Variants in SV2B observed in about 807,000 individuals in gnomAD.
SV2B encodes solute carrier family 22 member B2.
In SV2B, 41 loss-of-function variants were observed where a neutral mutation model predicts 73.9. The ratio of observed to expected loss-of-function variants is 0.56; its 90% CI spans 0.43 to 0.72. The LOEUF (loss-of-function observed/expected upper bound fraction) is 0.72, where lower values mean the gene tolerates loss of function less well. Ranked by LOEUF, SV2B falls within the 30% of genes least tolerant of loss-of-function variation. SV2B has a pLI of 0.00. For missense variants in SV2B, 764 were observed against 857.8 expected (o/e 0.89, Z 1.37); for synonymous variants, 314 against 314.2 (o/e 1.00, Z 0.01).
chr15:91,235,847 G>C (rs962385203), intron 2 of SV2B, among the ~76,000 whole-genome samples: 1 of 152,126 alleles, frequency 6.6e-6, no homozygotes, highest in Non-Finnish European at 1.5e-5. Context: ...GTAGATTTTA[G>C]TTTTACTGGG....
intron 9 of SV2B, among the ~76,000 whole-genome samples, chr15:91,269,693 C>T (rs1182696076): frequency 6.6e-6 from 1 of 152,196 alleles, no homozygotes; most frequent in Non-Finnish European, 1.5e-5. Context: ...ATTGTTCTTA[C>T]AGGCTAGACT....
rs2049326559 is a variant in SV2B at position 91,298,429 on chromosome 15, G to A, written c.*5877G>A. On this transcript the variant is annotated 3_prime_UTR_variant, in exon 13 of 13. Coordinates refer to ENST00000394232, the MANE Select transcript of SV2B (RefSeq NM_001323032.3). The surrounding 1 kb of genome is among the most constrained non-coding windows in gnomAD (Gnocchi z 5.4). ...GTTTGATTTGCAGAGGCATGGTGAG[G>A]AATTTATATGCATGGCTGTTGTGGC... is the stretch of plus-strand genomic sequence containing the variant. 6.6e-6 allele frequency: 1 copy of A among 152,236 alleles called. No individual in the cohort carries two copies. Among genetic ancestry groups the A allele is most frequent in the South Asian group, 2.1e-4 (1 of 4,830 alleles). The allele number at this position is 152,236 out of a possible 1,614,324, so 9.4% of individuals were successfully genotyped here.
At chr15:91,238,178 C>CT (rs918778002) in intron 2 of SV2B, among the ~76,000 whole-genome samples, 1 of 152,150 alleles carries the variant, frequency 6.6e-6, no homozygotes, top group African/African-American at 2.4e-5. Context: ...TAACCTGTTC[C>CT]TTTTTTTCTA....
chr15:91,204,186 G>A (rs543262604), intron 1 of SV2B, among the ~76,000 whole-genome samples: 5 of 152,208 alleles, frequency 3.3e-5, no homozygotes, highest in South Asian at 4.1e-4. Flanking sequence ...ATGTCCACCC[G>A]GTTCGCTTTT....
rs1057439786 is a variant in SV2B at position 91,105,924 on chromosome 15, C to A, written c.-392+5561C>A. Among the ~76,000 whole-genome samples the A allele has an allele frequency of 2.6e-5, 4 of 152,190 alleles. No homozygotes were observed. Among genetic ancestry groups the A allele is most frequent in the Non-Finnish European group, 5.9e-5 (4 of 68,030 alleles). Reference sequence around the variant, plus strand: ...ATTAGCCAGGTGTGGTGGCACATGCCTGTAGCCCTAGCTACTCGGGAGTCT... The same window carrying A: ...ATTAGCCAGGTGTGGTGGCACATGCATGTAGCCCTAGCTACTCGGGAGTCT... On this transcript the variant is annotated intron_variant, in intron 1 of 12. Coordinates refer to ENST00000394232, the MANE Select transcript of SV2B (RefSeq NM_001323032.3). This position sits in a 1 kb window ranked among gnomAD's most constrained non-coding sequence, Gnocchi z 5.5.
chr15:91,277,679 A>G (rs943993954), intron 9 of SV2B, among the ~76,000 whole-genome samples: 3 of 152,164 alleles, frequency 2.0e-5, no homozygotes, highest in African/African-American at 7.2e-5. Flanking sequence ...TGAATGTATT[A>G]CTGTATTTTG....
rs2046176227 is a variant in SV2B, at chr15:91,220,449, A to G, written c.-391-5424A>G. Among the ~76,000 whole-genome samples, 2 of 152,224 alleles carry G rather than the reference A, an allele frequency of 1.3e-5. No homozygotes were observed. The highest frequency in any genetic ancestry group is 4.1e-4 in the South Asian group (2 of 4,834). On this transcript the variant is annotated intron_variant, in intron 1 of 12. Transcript: ENST00000394232. This position sits in a 1 kb window ranked among gnomAD's most constrained non-coding sequence, Gnocchi z 4.1. Reference sequence around the variant, plus strand: ...TTTCCCAAACTTACTTGCTCTTGGAATTCTATTTTTCACTGAAAGGAGAAT... The same window carrying G: ...TTTCCCAAACTTACTTGCTCTTGGAGTTCTATTTTTCACTGAAAGGAGAAT...
At chr15:91,266,750 A>G in intron 7 of SV2B, 58 bp downstream of exon 7, 1 of 1,386,776 alleles carries the variant, frequency 7.2e-7, no homozygotes, top group South Asian at 1.3e-5. Flanking sequence ...CTCTTACCTT[A>G]GTGGATGAAA....
intron 11 of SV2B, among the ~76,000 whole-genome samples, chr15:91,285,101 C>A (rs2048816208): frequency 6.6e-6 from 1 of 152,126 alleles, no homozygotes; most frequent in African/African-American, 2.4e-5. Context: ...AAAGGAAACA[C>A]AATAAATCAT....
intron 1 of SV2B, among the ~76,000 whole-genome samples, chr15:91,171,652 T>C (rs1465664398): frequency 6.6e-6 from 1 of 152,216 alleles, no homozygotes; most frequent in Non-Finnish European, 1.5e-5. Flanking sequence ...AAAATGCTCA[T>C]CATCTCTCCT....
chr15:91,222,261 T>G (rs1895186292), intron 1 of SV2B, among the ~76,000 whole-genome samples: 1 of 152,188 alleles, frequency 6.6e-6, no homozygotes. Flanking sequence ...TTCTGTAAAA[T>G]GGGCGCAATA....
chr15:91,252,029 A>T lies in SV2B; in HGVS notation c.632+30A>T, dbSNP rs756494343. On this transcript the variant is annotated intron_variant, in intron 3 of 12. Coordinates refer to ENST00000394232, the MANE Select transcript of SV2B (RefSeq NM_001323032.3). The surrounding 1 kb of genome is among the most constrained non-coding windows in gnomAD (Gnocchi z 4.6). Reference sequence around the variant, plus strand: ...GTTCTTAGGGAGGTGGAGCTGGACCATCCCAGACCAATGGCCCATCCATTC... The same window carrying T: ...GTTCTTAGGGAGGTGGAGCTGGACCTTCCCAGACCAATGGCCCATCCATTC... 7.5e-6 allele frequency: 12 copies of T among 1,608,362 alleles called. No homozygotes were observed. Among genetic ancestry groups the T allele is most frequent in the Non-Finnish European group, 1.0e-5 (12 of 1,176,454 alleles).
At chr15:91,291,189 T>G (rs889665820) in intron 12 of SV2B, among the ~76,000 whole-genome samples, 1 of 150,720 alleles carries the variant, frequency 6.6e-6, no homozygotes, top group East Asian at 1.9e-4. Context: ...TTTTATTTAG[T>G]TTTTTTTCTA....
intron 1 of SV2B, among the ~76,000 whole-genome samples, chr15:91,171,599 C>A (rs561717409): frequency 2.6e-5 from 4 of 152,258 alleles, no homozygotes; most frequent in African/African-American, 9.6e-5. Flanking sequence ...TGGAATGGGT[C>A]TCAGAGACCG....
In SV2B at chr15:91,280,561, A is replaced by C. The variant is rs112972327; in HGVS notation, c.1374-1167A>C. Among the ~76,000 whole-genome samples, 4 of 152,234 alleles carry C rather than the reference A, an allele frequency of 2.6e-5. No individual in the cohort carries two copies. The highest frequency in any genetic ancestry group is 9.6e-5 in the African/African-American group (4 of 41,458). Reference sequence around the variant, plus strand: ...GACATATTTAAAGGCTTCCAGCCTAAAAGTTTGACCAAGCTTGTTAAATAT... The same window carrying C: ...GACATATTTAAAGGCTTCCAGCCTACAAGTTTGACCAAGCTTGTTAAATAT... On this transcript the variant is annotated intron_variant, in intron 9 of 12. Coordinates refer to ENST00000394232, the MANE Select transcript of SV2B (RefSeq NM_001323032.3). The surrounding 1 kb of genome is among the most constrained non-coding windows in gnomAD (Gnocchi z 5.8).
chr15:91,142,579 C>A (rs1259770732), intron 1 of SV2B, among the ~76,000 whole-genome samples: 1 of 152,030 alleles, frequency 6.6e-6, no homozygotes, highest in East Asian at 1.9e-4. Flanking sequence ...AGAAGAAAAA[C>A]AAACAGAAGG....
chr15:91,169,558 C>T (rs758180365), intron 1 of SV2B, among the ~76,000 whole-genome samples: 5 of 151,978 alleles, frequency 3.3e-5, no homozygotes, highest in East Asian at 1.9e-4. Flanking sequence ...TTCATCTACT[C>T]GCTCGACAAG....
At chr15:91,172,644 G>C (rs544956851) in intron 1 of SV2B, among the ~76,000 whole-genome samples, 1 of 152,166 alleles carries the variant, frequency 6.6e-6, no homozygotes, top group Non-Finnish European at 1.5e-5. Context: ...TAGAAGCAGA[G>C]AGCAGAGCAG....
chr15:91,253,846 C>A lies in SV2B; in HGVS notation c.784+1326C>A, dbSNP rs575746459. Among the ~76,000 whole-genome samples, 1 of 152,284 alleles carries A rather than the reference C, an allele frequency of 6.6e-6. No individual in the cohort carries two copies. Among genetic ancestry groups the A allele is most frequent in the Non-Finnish European group, 1.5e-5 (1 of 68,016 alleles). On this transcript the variant is annotated intron_variant, in intron 4 of 12. Coordinates refer to ENST00000394232, the MANE Select transcript of SV2B (RefSeq NM_001323032.3). The surrounding 1 kb of genome is among the most constrained non-coding windows in gnomAD (Gnocchi z 5.0). ...CTGGGTAACAGTTTAGCTGTGTGCCCACAAAGTAGAGGAAGTGGGTTTGGG... is the reference window on the plus strand; with the variant it reads ...CTGGGTAACAGTTTAGCTGTGTGCCAACAAAGTAGAGGAAGTGGGTTTGGG...
Sources: gnomAD v4.1 joint callset for allele counts (sites outside exome capture counted in the v4.1 genomes callset) on GRCh38, gnomAD v4.1.1 for gene constraint, Gnocchi (gnomAD v3.1) non-coding constraint, MANE v1.5 for transcripts, NCBI Gene and HGNC (gene_info 2026-07-23, HGNC 2026-07-21) for gene names.